Variants in FBXO11 observed in about 807,000 individuals in gnomAD.
FBXO11 encodes the protein F-box protein 11, also known as F-box only protein 11.
FBXO11 carries 13 observed loss-of-function variants against 117.0 expected under a neutral mutation model. That is an observed-to-expected ratio of 0.11 (90% confidence interval 0.07 to 0.18). The LOEUF (loss-of-function observed/expected upper bound fraction) is 0.18. Ranked by LOEUF, FBXO11 falls within the 10% of genes least tolerant of loss-of-function variation. The probability of loss-of-function intolerance (pLI) is 1.00; values close to 1 mark genes in which losing one functional copy is unlikely to be tolerated. For synonymous variants in FBXO11, 490 were observed against 380.5 expected (o/e 1.29, Z -3.35); for missense variants, 767 against 1,164.4 (o/e 0.66, Z 4.97).
intron 1 of FBXO11, among the ~76,000 whole-genome samples, chr2:47,899,263 G>C (rs571110959): frequency 2.6e-4 from 32 of 123,086 alleles, no homozygotes; most frequent in African/African-American, 9.1e-4. Context: ...GACAGAGCAA[G>C]ACTCCGTCTC....
rs115146450 is a variant in FBXO11, at chr2:47,822,761, T to C, written c.1616+382A>G. Among the ~76,000 whole-genome samples the C allele has an allele frequency of 7.6e-3, 1,154 of 152,338 alleles. 19 individuals are homozygous for C. Among genetic ancestry groups the C allele is most frequent in the Middle Eastern group, 0.027 (8 of 294 alleles). The stretch of plus-strand genomic sequence containing the variant: ...TTTAGTCTTTCTGGCCAAGAATCTT[T>C]GAGATATTTTTCCTGAATTATTCTA... On this transcript the variant is annotated intron_variant, in intron 12 of 22. Coordinates refer to ENST00000403359, the MANE Select transcript of FBXO11 (RefSeq NM_001190274.2).
chr2:47,902,446 G>C (rs1393204368), intron 1 of FBXO11, among the ~76,000 whole-genome samples: 2 of 152,134 alleles, frequency 1.3e-5, no homozygotes, highest in African/African-American at 4.8e-5. Context: ...AATCCTCAAA[G>C]ATTTTAATCT....
intron 1 of FBXO11, among the ~76,000 whole-genome samples, chr2:47,855,231 C>CACT (rs1031451225): frequency 6.6e-6 from 1 of 150,836 alleles, no homozygotes; most frequent in Non-Finnish European, 1.5e-5. Context: ...GACAGGGTCT[C>CACT]ACTCTGTCGC....
rs140250002 is a variant in FBXO11 at position 47,819,172 on chromosome 2, C to T, written c.1798-94G>A. On this transcript the variant is annotated intron_variant, in intron 14 of 22. Coordinates refer to ENST00000403359, the MANE Select transcript of FBXO11 (RefSeq NM_001190274.2). ...CTTTATAGACAGTTAAAAAATTTTC[C>T]ATTTTTGTTTTTTCATCCGAGTAAG... 12 of 1,355,756 alleles carry T rather than the reference C, an allele frequency of 8.9e-6. No individual in the cohort carries two copies. The East Asian group carries it at 1.7e-4, about 19-fold the overall frequency. 84.0% of individuals were successfully genotyped at this position (1,355,756 alleles called of 1,614,324 possible).
At chr2:47,825,135 G>C (rs1456786425) in intron 11 of FBXO11, among the ~76,000 whole-genome samples, 1 of 151,996 alleles carries the variant, frequency 6.6e-6, no homozygotes, top group Non-Finnish European at 1.5e-5. Context: ...GGGATATTCT[G>C]AATACTCTAG....
Position 47,905,760 on chromosome 2 carries a change from A to C in FBXO11, c.-40T>G. ...TGGCGGCGTTGGCGGAGGGACACAC[A>C]CACGCACACGCACAGCGAGCTTCGG... On this transcript the variant is annotated 5_prime_UTR_variant, in exon 1 of 23. Coordinates refer to ENST00000403359, the MANE Select transcript of FBXO11 (RefSeq NM_001190274.2). The C allele has an allele frequency of 7.8e-7, 1 of 1,279,722 alleles. No individual in the cohort carries two copies. Among genetic ancestry groups the C allele is most frequent in the East Asian group, 6.3e-5 (1 of 15,760 alleles). 79.3% of individuals were successfully genotyped at this position (1,279,722 alleles called of 1,614,324 possible).
At chr2:47,863,055 C>CAAAAAAAAAAAAAA (rs763187950) in intron 1 of FBXO11, among the ~76,000 whole-genome samples, 3 of 73,918 alleles carry the variant, frequency 4.1e-5, no homozygotes, top group African/African-American at 1.0e-4. Flanking sequence ...AACTGTGTCT[C>CAAAAAAAAAAAAAA]AAAAAAAAAA....
intron 11 of FBXO11, 143 bp from the exon 12 acceptor site, chr2:47,823,503 C>A (rs1671526882): frequency 1.5e-6 from 1 of 677,588 alleles, no homozygotes; most frequent in South Asian, 2.1e-5. Context: ...GCCTGTTAAT[C>A]CCAGCACTTT....
At chr2:47,896,884 T>C (rs1201643668) in intron 1 of FBXO11, among the ~76,000 whole-genome samples, 1 of 152,210 alleles carries the variant, frequency 6.6e-6, no homozygotes, top group Non-Finnish European at 1.5e-5. Context: ...TTTCAAAATA[T>C]AGTGCCTTAC....
rs1676283760 is a variant in FBXO11 at position 47,879,532 on chromosome 2, TTA to T, written c.232+25955_232+25956del. 2.0e-5 allele frequency among the ~76,000 whole-genome samples: 3 copies of T among 152,330 alleles called. No individual in the cohort carries two copies. In the South Asian group the frequency reaches 6.2e-4, roughly 32 times the overall value. On this transcript the variant is annotated intron_variant, in intron 1 of 22. Transcript: ENST00000403359. ...CTGGCCTCATTAGCTTAAAAGCCAC[TTA>T]TATTTAATTTTCTGTGAATTATCGA... is the stretch of plus-strand genomic sequence containing the variant.
intron 1 of FBXO11, among the ~76,000 whole-genome samples, chr2:47,842,337 G>T (rs1343068774): frequency 6.6e-6 from 1 of 152,134 alleles, no homozygotes; most frequent in African/African-American, 2.4e-5. Context: ...AATTAGAATG[G>T]GAAACATAAA....
In FBXO11 at chr2:47,808,253, G is replaced by A. The variant is rs761913456; in HGVS notation, c.2655-6C>T. On this transcript the variant is annotated splice_region_variant and splice_polypyrimidine_tract_variant and intron_variant, in intron 22 of 22. Transcript: ENST00000403359. ...CACCACAGTCACAGAAAAACCTAAA[G>A]CAAAATGAAACCCAAATATTAGAAA... The A allele has an allele frequency of 8.1e-6, 13 of 1,612,484 alleles. No homozygotes were observed. The highest frequency in any genetic ancestry group is 9.3e-6 in the Non-Finnish European group (11 of 1,179,722).
intron 16 of FBXO11, among the ~76,000 whole-genome samples, chr2:47,816,078 C>T (rs1164100336): frequency 1.3e-5 from 2 of 152,204 alleles, no homozygotes; most frequent in Admixed American, 1.3e-4. Context: ...CGGTGAGAAC[C>T]CTGGCGACCC....
At chr2:47,902,320 T>C (rs1255705035) in intron 1 of FBXO11, among the ~76,000 whole-genome samples, 2 of 152,210 alleles carry the variant, frequency 1.3e-5, no homozygotes, top group African/African-American at 2.4e-5. Context: ...TAGTATTTAG[T>C]CTTAGGATAG....
chr2:47,901,427 G>A (rs1361327472), intron 1 of FBXO11, among the ~76,000 whole-genome samples: 2 of 151,846 alleles, frequency 1.3e-5, no homozygotes, highest in African/African-American at 4.8e-5. Flanking sequence ...CCCATGTCAA[G>A]ATTATTTCCA....
chr2:47,895,987 G>A (rs1046170524), intron 1 of FBXO11, among the ~76,000 whole-genome samples: 1 of 152,148 alleles, frequency 6.6e-6, no homozygotes, highest in South Asian at 2.1e-4. Context: ...GAGCCACCAT[G>A]CCCAGCCATA....
intron 1 of FBXO11, among the ~76,000 whole-genome samples, chr2:47,852,490 C>T (rs1673947856): frequency 6.6e-6 from 1 of 152,106 alleles, no homozygotes; most frequent in Non-Finnish European, 1.5e-5. Context: ...TACTGACAGG[C>T]AGTTCAGGCC....
intron 1 of FBXO11, among the ~76,000 whole-genome samples, chr2:47,853,305 C>T (rs1289167685): frequency 2.6e-5 from 4 of 151,890 alleles, no homozygotes; most frequent in East Asian, 3.9e-4. Flanking sequence ...CTTCTGACCT[C>T]GTGATCCACC....
intron 11 of FBXO11, among the ~76,000 whole-genome samples, chr2:47,826,458 C>G (rs1348361796): frequency 6.6e-6 from 1 of 152,186 alleles, no homozygotes; most frequent in Non-Finnish European, 1.5e-5. Flanking sequence ...TGATTCACAT[C>G]TATTTTATTA....
Sources: allele counts gnomAD v4.1 joint callset (sites outside exome capture counted in the v4.1 genomes callset), GRCh38; gene constraint gnomAD v4.1.1; transcripts MANE v1.5; gene names NCBI Gene and HGNC (gene_info 2026-07-23, HGNC 2026-07-21).